CLSTN2: variants seen among roughly 807,000 people sequenced by gnomAD.
CLSTN2 encodes the protein calsyntenin-2.
Under a neutral mutation model 101.2 loss-of-function variants are expected in CLSTN2, and 48 were observed. The ratio of observed to expected loss-of-function variants is 0.47; its 90% CI spans 0.38 to 0.60. CLSTN2 has a LOEUF of 0.60. Among genes scored for constraint, CLSTN2 ranks in the 20% least tolerant of loss-of-function variants. The pLI, the probability that CLSTN2 is intolerant of heterozygous loss-of-function variation, is 0.00. For synonymous variants in CLSTN2, 481 were observed against 463.6 expected (o/e 1.04, Z -0.48); for missense variants, 1,160 against 1,238.2 (o/e 0.94, Z 0.95).
chr3:140,409,286 C>T (rs1488289304), intron 4 of CLSTN2, among the ~76,000 whole-genome samples: 1 of 152,260 alleles, frequency 6.6e-6, no homozygotes, highest in Non-Finnish European at 1.5e-5. Flanking sequence ...CTGACTCCCC[C>T]TGCTGCCTGC....
chr3:139,980,780 G>T (rs1935901000), intron 1 of CLSTN2, among the ~76,000 whole-genome samples: 1 of 152,102 alleles, frequency 6.6e-6, no homozygotes, highest in African/African-American at 2.4e-5. Context: ...ATGTCTCAAT[G>T]AAAGGATTGT....
rs1046629959 is a variant in CLSTN2 at position 140,570,968 on chromosome 3, G to C, written c.*4715G>C. On this transcript the variant is annotated 3_prime_UTR_variant, in exon 17 of 17. Coordinates refer to ENST00000458420, the MANE Select transcript of CLSTN2 (RefSeq NM_022131.3). Reference sequence around the variant, plus strand: ...AGCTGTTTTAAAAGTCCATGTTCCGGGGGAAAACAAAAAAGAAACAAACAA... The same window carrying C: ...AGCTGTTTTAAAAGTCCATGTTCCGCGGGAAAACAAAAAAGAAACAAACAA... 1 of 152,158 alleles carries C rather than the reference G, an allele frequency of 6.6e-6. No homozygotes were observed. Among genetic ancestry groups the C allele is most frequent in the African/African-American group, 2.4e-5 (1 of 41,448 alleles). 9.4% of individuals were successfully genotyped at this position (152,158 alleles called of 1,614,324 possible).
chr3:140,514,111 G>A (rs564696681), intron 8 of CLSTN2, among the ~76,000 whole-genome samples: 11 of 151,362 alleles, frequency 7.3e-5, no homozygotes, highest in Non-Finnish European at 1.2e-4. Flanking sequence ...TCTGATCTTG[G>A]TTCTTTCTTA....
chr3:140,322,361 A>T (rs2087292152), intron 2 of CLSTN2, among the ~76,000 whole-genome samples: 1 of 152,242 alleles, frequency 6.6e-6, no homozygotes, highest in South Asian at 2.1e-4. Flanking sequence ...CATGCTGAGG[A>T]CTAGGGATAG....
chr3:140,024,384 G>C (rs965225337), intron 1 of CLSTN2, among the ~76,000 whole-genome samples: 4 of 152,226 alleles, frequency 2.6e-5, no homozygotes, highest in African/African-American at 9.7e-5. Context: ...TCCCCAGGGA[G>C]CCCTGGACTG....
In CLSTN2 at chr3:140,570,191, C is replaced by CA. The variant is rs1249364121; in HGVS notation, c.*3939dup. The stretch of plus-strand genomic sequence containing the variant: ...AGTAAATATTTTGGGCTTTGTGAGC[C>CA]ATTTGGTACCTGTCACAGAATAGTC... On this transcript the variant is annotated 3_prime_UTR_variant, in exon 17 of 17. Transcript: ENST00000458420. The CA allele has an allele frequency of 6.6e-6, 1 of 152,124 alleles. No homozygotes were observed. Among genetic ancestry groups the CA allele is most frequent in the Non-Finnish European group, 1.5e-5 (1 of 68,018 alleles). 9.4% of individuals were successfully genotyped at this position (152,124 alleles called of 1,614,324 possible).
At chr3:140,383,378 T>C (rs999808208) in intron 2 of CLSTN2, among the ~76,000 whole-genome samples, 1 of 152,176 alleles carries the variant, frequency 6.6e-6, no homozygotes, top group African/African-American at 2.4e-5. Context: ...TTTGATTGGC[T>C]GAGAGAAGGG....
chr3:140,393,769 A>C (rs2088148683), intron 2 of CLSTN2, among the ~76,000 whole-genome samples: 2 of 152,030 alleles, frequency 1.3e-5, no homozygotes, highest in African/African-American at 2.4e-5. Context: ...AAGATTCTCT[A>C]CTCCTGCTTG....
Position 140,053,370 on chromosome 3 carries a change from C to G in CLSTN2, c.109+117887C>G, listed in dbSNP as rs139642025. 8.5e-3 allele frequency among the ~76,000 whole-genome samples: 1,300 copies of G among 152,326 alleles called. 24 individuals are homozygous for G. The highest frequency in any genetic ancestry group is 8.7e-3 in the Non-Finnish European group (589 of 68,028). On this transcript the variant is annotated intron_variant, in intron 1 of 16. Transcript: ENST00000458420. ...GCAATCTAGTTCCAATTCTGGTTCT[C>G]CGGAGTTACTGGATTGTGTCTGAGG...
intron 2 of CLSTN2, among the ~76,000 whole-genome samples, chr3:140,255,268 A>G (rs1338394798): frequency 6.6e-6 from 1 of 152,196 alleles, no homozygotes; most frequent in Admixed American, 6.5e-5. Flanking sequence ...TTAAAAGAGA[A>G]CTAACATTTG....
intron 2 of CLSTN2, among the ~76,000 whole-genome samples, chr3:140,223,782 C>T (rs2086295178): frequency 6.6e-6 from 1 of 152,214 alleles, no homozygotes; most frequent in South Asian, 2.1e-4. Context: ...CCCCACCCTG[C>T]AACATGGATT....
At chr3:140,415,499 A>C (rs1425828859) in intron 4 of CLSTN2, among the ~76,000 whole-genome samples, 4 of 151,164 alleles carry the variant, frequency 2.6e-5, no homozygotes, top group African/African-American at 7.3e-5. Flanking sequence ...AAAAAAAAAA[A>C]AAAAAAAAAA....
intron 7 of CLSTN2, among the ~76,000 whole-genome samples, chr3:140,462,038 T>C (rs1367904922): frequency 4.5e-5 from 5 of 112,112 alleles, no homozygotes; most frequent in Non-Finnish European, 1.9e-5. Context: ...AGTGGAAACA[T>C]GAAAAACACA....
intron 8 of CLSTN2, among the ~76,000 whole-genome samples, chr3:140,487,714 C>G (rs770390977): frequency 6.6e-6 from 1 of 152,230 alleles, no homozygotes; most frequent in Non-Finnish European, 1.5e-5. Context: ...ACTGAAGACC[C>G]CTTGTCCCTC....
chr3:140,145,689 A>G (rs2009770959), intron 1 of CLSTN2, among the ~76,000 whole-genome samples: 1 of 152,150 alleles, frequency 6.6e-6, no homozygotes, highest in Non-Finnish European at 1.5e-5. Flanking sequence ...CTGGTGGCAA[A>G]TTGTAACATA....
At chr3:140,287,558 CA>C (rs1198493561) in intron 2 of CLSTN2, among the ~76,000 whole-genome samples, 1 of 151,670 alleles carries the variant, frequency 6.6e-6, no homozygotes, top group Non-Finnish European at 1.5e-5. Context: ...AGTTGTAAAA[CA>C]AAATTTTAAA....
chr3:139,994,233 C>T (rs1274856955), intron 1 of CLSTN2, among the ~76,000 whole-genome samples: 1 of 152,204 alleles, frequency 6.6e-6, no homozygotes, highest in Non-Finnish European at 1.5e-5. Flanking sequence ...TCTTCCTGCA[C>T]TTTCTGCAGG....
chr3:140,032,062 A>G (rs1464743015), intron 1 of CLSTN2, among the ~76,000 whole-genome samples: 2 of 152,206 alleles, frequency 1.3e-5, no homozygotes, highest in East Asian at 3.9e-4. Context: ...AGAGGTGGGA[A>G]GGACCCTTGA....
chr3:140,240,168 C>CTATA (rs2086449416), intron 2 of CLSTN2, among the ~76,000 whole-genome samples: 2 of 17,264 alleles, frequency 1.2e-4, no homozygotes, highest in African/African-American at 1.6e-4. Context: ...CTCTCTCTCT[C>CTATA]TCTCTCTATA....
Sources: allele counts gnomAD v4.1 joint callset (sites outside exome capture counted in the v4.1 genomes callset), GRCh38; gene constraint gnomAD v4.1.1; transcripts MANE v1.5; gene names NCBI Gene and HGNC (gene_info 2026-07-23, HGNC 2026-07-21).